The following MGAT4C variants were observed in gnomAD, a reference collection of about 807,000 sequenced individuals.
MGAT4C encodes the protein alpha-1,3-mannosyl-glycoprotein 4-beta-N-acetylglucosaminyltransferase C.
Under a neutral mutation model 40.1 loss-of-function variants are expected in MGAT4C, and 19 were observed. That is an observed-to-expected ratio of 0.47 (90% CI 0.33 to 0.70). MGAT4C has a LOEUF of 0.70. Among genes scored for constraint, MGAT4C ranks in the 30% least tolerant of loss-of-function variants. The pLI is 0.02. For synonymous variants in MGAT4C, 181 were observed against 187.1 expected (o/e 0.97, Z 0.27); for missense variants, 491 against 563.2 (o/e 0.87, Z 1.30).
chr12:86,678,316 G>A (rs974360468), intron 2 of MGAT4C, among the ~76,000 whole-genome samples: 2 of 151,924 alleles, frequency 1.3e-5, no homozygotes, highest in African/African-American at 4.8e-5. Context: ...ACATGTGATG[G>A]CTCAGTAGGC....
rs114436676 is a variant in MGAT4C, at chr12:86,003,795, T to C, written c.-6-14243A>G. 2.1e-3 allele frequency among the ~76,000 whole-genome samples: 322 copies of C among 150,464 alleles called. 2 individuals carry two copies. Among genetic ancestry groups the C allele is most frequent in the African/African-American group, 7.2e-3 (299 of 41,322 alleles). On this transcript the variant is annotated intron_variant, in intron 2 of 4. Coordinates refer to ENST00000611864, the MANE Select transcript of MGAT4C (RefSeq NM_001351288.2). ...AAGAAGAGGGAGAAAGCTCAATGCT[T>C]TATTAATGCAAAACTAGATTTTTTT... is the stretch of plus-strand genomic sequence containing the variant.
chr12:86,069,964 T>C (rs900843287), intron 1 of MGAT4C, among the ~76,000 whole-genome samples: 2 of 152,094 alleles, frequency 1.3e-5, no homozygotes, highest in East Asian at 1.9e-4. Flanking sequence ...CCAATTACAA[T>C]GGTATAAAAG....
intron 3 of MGAT4C, among the ~76,000 whole-genome samples, chr12:86,360,573 A>G (rs1301747868): frequency 6.6e-6 from 1 of 152,210 alleles, no homozygotes; most frequent in African/African-American, 2.4e-5. Context: ...ACATGATTGT[A>G]TATTTAGAAA....
intron 1 of MGAT4C, among the ~76,000 whole-genome samples, chr12:86,078,195 C>G (rs1211926258): frequency 1.3e-5 from 2 of 152,134 alleles, no homozygotes; most frequent in African/African-American, 2.4e-5. Context: ...CATCAGCCTT[C>G]TAGAGAACTT....
intron 1 of MGAT4C, among the ~76,000 whole-genome samples, chr12:86,235,204 T>G (rs566934309): frequency 3.4e-4 from 51 of 152,118 alleles, no homozygotes; most frequent in African/African-American, 1.0e-3. Flanking sequence ...TTCTTTTGAC[T>G]CCACTTGCTC....
At chr12:86,437,393 A>T (rs959063742) in intron 2 of MGAT4C, among the ~76,000 whole-genome samples, 11 of 151,832 alleles carry the variant, frequency 7.2e-5, no homozygotes, top group African/African-American at 2.7e-4. Context: ...TTGTAGGAGT[A>T]AATCAATTTT....
intron 1 of MGAT4C, among the ~76,000 whole-genome samples, chr12:86,755,416 T>C (rs1324922763): frequency 6.6e-6 from 1 of 152,176 alleles, no homozygotes; most frequent in East Asian, 1.9e-4. Flanking sequence ...ACATTAGTAA[T>C]ATAATATGCA....
chr12:86,555,230 G>A (rs960780939), intron 2 of MGAT4C, among the ~76,000 whole-genome samples: 3 of 151,946 alleles, frequency 2.0e-5, no homozygotes, highest in Admixed American at 1.3e-4. Flanking sequence ...CTGGAATGGG[G>A]ACATATTTAG....
chr12:86,822,143 T>C (rs554505556), intron 1 of MGAT4C, among the ~76,000 whole-genome samples: 1 of 151,140 alleles, frequency 6.6e-6, no homozygotes, highest in East Asian at 2.0e-4. Context: ...TTATAACATA[T>C]GTGATGTAGA....
At chr12:86,791,256 G>A (rs1263077471) in intron 1 of MGAT4C, among the ~76,000 whole-genome samples, 1 of 151,984 alleles carries the variant, frequency 6.6e-6, no homozygotes, top group Admixed American at 6.6e-5. Flanking sequence ...ACCAATGCAG[G>A]CTCAAAAACA....
intron 2 of MGAT4C, among the ~76,000 whole-genome samples, chr12:86,705,791 T>C (rs1272151964): frequency 6.6e-6 from 1 of 152,064 alleles, no homozygotes; most frequent in Non-Finnish European, 1.5e-5. Context: ...TTAATGGGGA[T>C]CGGGAGTTTT....
chr12:86,557,430 C>T (rs1181798859), intron 2 of MGAT4C, among the ~76,000 whole-genome samples: 2 of 152,106 alleles, frequency 1.3e-5, no homozygotes, highest in Non-Finnish European at 2.9e-5. Context: ...GAGGACAAGC[C>T]TGCTATTCCC....
At chr12:86,127,279 G>A (rs11830507) in intron 1 of MGAT4C, among the ~76,000 whole-genome samples, 17,030 of 152,108 alleles carry the variant, frequency 0.11, 2,049 homozygotes, top group African/African-American at 0.3. Context: ...TTAACACAGT[G>A]GTAAGTATTT....
At chr12:86,814,570 T>C (rs1952563749) in intron 1 of MGAT4C, among the ~76,000 whole-genome samples, 1 of 151,972 alleles carries the variant, frequency 6.6e-6, no homozygotes, top group Non-Finnish European at 1.5e-5. Context: ...CTTATAATTA[T>C]ATTAATTCCA....
chr12:86,063,605 T>C lies in MGAT4C; in HGVS notation c.-56-13882A>G, dbSNP rs190347360. 2.6e-4 allele frequency among the ~76,000 whole-genome samples: 40 copies of C among 152,186 alleles called. No individual in the cohort carries two copies. The East Asian group carries it at 6.9e-3, about 26-fold the overall frequency. ...AAACTGGATAAAGAGTCAAGATCCA[T>C]TGGTGTGCTGTATTCAGAAGATCCA... On this transcript the variant is annotated intron_variant, in intron 1 of 4. Transcript: ENST00000611864.
intron 3 of MGAT4C, among the ~76,000 whole-genome samples, chr12:86,356,233 C>T (rs907376127): frequency 1.2e-4 from 19 of 152,090 alleles, no homozygotes; most frequent in Admixed American, 1.2e-3. Context: ...CCAAAACTGA[C>T]AACACTACCA....
At chr12:86,493,244 C>T (rs1565801066) in intron 2 of MGAT4C, among the ~76,000 whole-genome samples, 1 of 151,106 alleles carries the variant, frequency 6.6e-6, no homozygotes, top group African/African-American at 2.5e-5. Flanking sequence ...TGTGGCGATT[C>T]CTCAGGGATC....
chr12:86,424,867 C>T (rs1482175504), intron 3 of MGAT4C, among the ~76,000 whole-genome samples: 1 of 152,142 alleles, frequency 6.6e-6, no homozygotes, highest in Non-Finnish European at 1.5e-5. Context: ...AGCAATTCTT[C>T]TGCCTCAGCC....
chr12:85,992,549 ATGT>A (rs1418559139), intron 2 of MGAT4C, among the ~76,000 whole-genome samples: 4 of 152,318 alleles, frequency 2.6e-5, no homozygotes, highest in East Asian at 3.9e-4. Context: ...AATGTTAAAG[ATGT>A]TGTTGCAAAC....
Sources: allele counts gnomAD v4.1 joint callset (sites outside exome capture counted in the v4.1 genomes callset), GRCh38; gene constraint gnomAD v4.1.1; transcripts MANE v1.5; gene names NCBI Gene and HGNC (gene_info 2026-07-23, HGNC 2026-07-21).